CRCP: variants seen among roughly 807,000 people sequenced by gnomAD.
CRCP encodes the protein CGRP receptor component.
A neutral mutation model predicts 18.5 loss-of-function variants in CRCP; 18 were observed. The ratio of observed to expected loss-of-function variants is 0.97; its 90% CI spans 0.67 to 1.44. CRCP has a LOEUF of 1.44. Ranked by LOEUF, CRCP falls within the 40% of genes most tolerant of loss-of-function variation. CRCP has a pLI of 0.00. For missense variants in CRCP, 130 were observed against 176.4 expected, an observed-to-expected ratio of 0.74 and a Z score of 1.49; for synonymous variants, 53 against 62.9, an observed-to-expected ratio of 0.84 and a Z score of 0.75.
intron 1 of CRCP, 77 bp downstream of exon 1, chr7:66,115,047 C>G (rs1001954925): frequency 4.5e-6 from 7 of 1,563,634 alleles, no homozygotes; most frequent in African/African-American, 1.4e-5. Context: ...AGCCGAGAGC[C>G]GTGGGGACTG....
At chr7:66,130,561 A>AT (rs1158942593) in intron 2 of CRCP, among the ~76,000 whole-genome samples, 183 bp from the exon 3 acceptor site, 1 of 152,226 alleles carries the variant, frequency 6.6e-6, no homozygotes, top group Non-Finnish European at 1.5e-5. Context: ...ATAAAAGAAC[A>AT]TTTTTTAAAA....
At chr7:66,133,052 C>G (rs527889787) in intron 3 of CRCP, among the ~76,000 whole-genome samples, 2 of 152,200 alleles carry the variant, frequency 1.3e-5, no homozygotes, top group South Asian at 4.2e-4. Context: ...GTTAAAACCA[C>G]CACAGTAATT....
chr7:66,133,858 C>CTTTTTTTTTTT (rs751345422), intron 3 of CRCP, among the ~76,000 whole-genome samples: 13 of 96,708 alleles, frequency 1.3e-4, no homozygotes, highest in Admixed American at 2.3e-4. Flanking sequence ...TTTTTGTTTT[C>CTTTTTTTTTTT]TTTTTTTTTT....
chr7:66,124,676 T>A (rs1787567104), intron 1 of CRCP, among the ~76,000 whole-genome samples: 1 of 152,126 alleles, frequency 6.6e-6, no homozygotes, highest in Admixed American at 6.6e-5. Context: ...CCACAATGCC[T>A]GGCATTCCCT....
rs867539843 is a variant in CRCP, at chr7:66,136,308, G to A, written c.239+1934G>A. Among the ~76,000 whole-genome samples, 4 of 151,648 alleles carry A rather than the reference G, an allele frequency of 2.6e-5. No individual in the cohort carries two copies. In the East Asian group the frequency reaches 5.8e-4, roughly 22 times the overall value. ...TGCAATGGTGCAATCTCGGCTCACC[G>A]CAACCTCTGCCTTCGGGTTCAAGTG... is the stretch of plus-strand genomic sequence containing the variant. On this transcript the variant is annotated intron_variant, in intron 4 of 5. Transcript: ENST00000395326.
At chr7:66,121,738 C>T (rs749956464) in intron 1 of CRCP, among the ~76,000 whole-genome samples, 3 of 152,050 alleles carry the variant, frequency 2.0e-5, no homozygotes, top group East Asian at 1.9e-4. Flanking sequence ...TATTCTTGAA[C>T]GTAATATATA....
intron 1 of CRCP, among the ~76,000 whole-genome samples, chr7:66,118,996 A>T (rs1368334819): frequency 6.6e-6 from 1 of 152,102 alleles, no homozygotes; most frequent in Non-Finnish European, 1.5e-5. Flanking sequence ...TCTGTCTTAG[A>T]GCTGGTTGTA....
Position 66,122,993 on chromosome 7 carries a change from C to T in CRCP, c.9-4711C>T, listed in dbSNP as rs184518805. On this transcript the variant is annotated intron_variant, in intron 1 of 5. Coordinates refer to ENST00000395326, the MANE Select transcript of CRCP (RefSeq NM_014478.5). The stretch of plus-strand genomic sequence containing the variant: ...TTTTTGAGATGGAGTCTCGCTCTGT[C>T]GCCCAGGCTGGAGTGCAGTAGCCCC... 3.5e-4 allele frequency among the ~76,000 whole-genome samples: 52 copies of T among 148,428 alleles called. No individual in the cohort carries two copies. In the Admixed American group the frequency reaches 3.6e-3, roughly 10 times the overall value.
intron 1 of CRCP, among the ~76,000 whole-genome samples, chr7:66,116,144 G>C (rs1787254862): frequency 6.6e-6 from 1 of 152,086 alleles, no homozygotes; most frequent in African/African-American, 2.4e-5. Context: ...TAACTGAAAT[G>C]AAAGGCTCAT....
At chr7:66,134,402 C>A (rs368764210) in intron 4 of CRCP, 28 bp downstream of exon 4, 1 of 1,416,752 alleles carries the variant, frequency 7.1e-7, no homozygotes, top group Non-Finnish European at 9.9e-7. Context: ...GTAGGAAGAG[C>A]GTGACACATG....
intron 4 of CRCP, among the ~76,000 whole-genome samples, chr7:66,141,514 G>A (rs1788138172): frequency 6.6e-6 from 1 of 152,132 alleles, no homozygotes; most frequent in African/African-American, 2.4e-5. Flanking sequence ...AGGAGGGTCA[G>A]AGGATGAAAG....
At chr7:66,138,940 A>G (rs914641097) in intron 4 of CRCP, among the ~76,000 whole-genome samples, 4 of 151,462 alleles carry the variant, frequency 2.6e-5, no homozygotes, top group African/African-American at 9.7e-5. Context: ...TTCTTACTAC[A>G]TTTGTGAAGT....
rs1412535899 is a variant in CRCP, at chr7:66,138,666, C to T, written c.239+4292C>T. Among the ~76,000 whole-genome samples the T allele has an allele frequency of 2.7e-5, 4 of 145,646 alleles. No individual in the cohort carries two copies. In the East Asian group the frequency reaches 6.0e-4, roughly 22 times the overall value. On this transcript the variant is annotated intron_variant, in intron 4 of 5. Coordinates refer to ENST00000395326, the MANE Select transcript of CRCP (RefSeq NM_014478.5). ...AAAATCAGCTGGGCATGGTGGCGGG[C>T]GCCTGTAGTCCCAGCTACTCGGGAG...
chr7:66,129,061 C>CT (rs1787705217), intron 2 of CRCP, among the ~76,000 whole-genome samples: 1 of 152,048 alleles, frequency 6.6e-6, no homozygotes, highest in Non-Finnish European at 1.5e-5. Context: ...CGGCCGGGCG[C>CT]GGTGTCTCAC....
intron 4 of CRCP, among the ~76,000 whole-genome samples, chr7:66,138,702 G>A (rs1187262793): frequency 6.6e-6 from 1 of 150,810 alleles, no homozygotes; most frequent in Non-Finnish European, 1.5e-5. Flanking sequence ...GCTGAGATAG[G>A]AGAATGGCGT....
At chr7:66,149,674 A>C in intron 5 of CRCP, among the ~76,000 whole-genome samples, 1 of 152,176 alleles carries the variant, frequency 6.6e-6, no homozygotes, top group South Asian at 2.1e-4. Flanking sequence ...GTTCCCAGTC[A>C]CAGGAAGAAA....
chr7:66,116,393 G>T (rs1787262763), intron 1 of CRCP, among the ~76,000 whole-genome samples: 1 of 151,462 alleles, frequency 6.6e-6, no homozygotes, highest in Non-Finnish European at 1.5e-5. Context: ...TACTTACGAG[G>T]CTGAGATGGG....
chr7:66,130,894 G>T (rs994302495), intron 3 of CRCP, 52 bp downstream of exon 3: 3 of 981,466 alleles, frequency 3.1e-6, no homozygotes, highest in South Asian at 2.8e-5. Context: ...AGGGAGGGGG[G>T]TTTATTCTCC....
Position 66,148,188 on chromosome 7 carries a change from C to T in CRCP, c.297+2688C>T, listed in dbSNP as rs112578808. Among the ~76,000 whole-genome samples the T allele has an allele frequency of 1.3e-3, 201 of 152,270 alleles. 1 individual carries two copies. Among genetic ancestry groups the T allele is most frequent in the African/African-American group, 4.6e-3 (190 of 41,558 alleles). On this transcript the variant is annotated intron_variant, in intron 5 of 5. Transcript: ENST00000395326. ...ACCAGCTTGGCCAACATGGCGAAACCTCATCCCTACTAAAAATACAGAAAT... is the reference window on the plus strand; with the variant it reads ...ACCAGCTTGGCCAACATGGCGAAACTTCATCCCTACTAAAAATACAGAAAT...
Sources: gnomAD v4.1 joint callset for allele counts (sites outside exome capture counted in the v4.1 genomes callset) on GRCh38, gnomAD v4.1.1 for gene constraint, MANE v1.5 for transcripts, NCBI Gene and HGNC (gene_info 2026-07-23, HGNC 2026-07-21) for gene names.